Variants in DNAH14 observed in about 807,000 individuals in gnomAD.
The protein encoded by DNAH14 is axonemal beta dynein heavy chain 14.
A neutral mutation model predicts 520.9 loss-of-function variants in DNAH14; 478 were observed. The ratio of observed to expected loss-of-function variants is 0.92; its 90% CI spans 0.85 to 0.99. The LOEUF is 0.99. Ranked by LOEUF, DNAH14 falls within the 50% of genes least tolerant of loss-of-function variation. The pLI is 0.00. For synonymous variants in DNAH14, 1,581 were observed against 1,757.2 expected, an observed-to-expected ratio of 0.90 and a Z score of 2.51; for missense variants, 4,831 against 5,234.5, an observed-to-expected ratio of 0.92 and a Z score of 2.38.
intron 10 of DNAH14, among the ~76,000 whole-genome samples, chr1:225,022,944 G>A (rs1433035148): frequency 6.6e-6 from 1 of 152,106 alleles, no homozygotes; most frequent in African/African-American, 2.4e-5. Context: ...CTTTGCAGCA[G>A]CATGATGCAG....
Position 225,152,901 on chromosome 1 carries a change from T to A in DNAH14, c.5196+18T>A, listed in dbSNP as rs147234788. 2.0e-5 allele frequency: 31 copies of A among 1,543,356 alleles called. No individual in the cohort carries two copies. The African/African-American group carries it at 2.9e-4, about 14-fold the overall frequency. ...CACAACAGGTAAATAGCTACTTTTC[T>A]CAAAATATTTAAAGGTGATTATATA... On this transcript the variant is annotated intron_variant, in intron 33 of 85. Coordinates refer to ENST00000682510, the MANE Select transcript of DNAH14 (RefSeq NM_001367479.1).
intron 64 of DNAH14, among the ~76,000 whole-genome samples, chr1:225,325,306 G>A (rs921377394): frequency 6.6e-6 from 1 of 151,864 alleles, no homozygotes; most frequent in African/African-American, 2.4e-5. Flanking sequence ...CCAACATGGT[G>A]AAACCCCATC....
intron 1 of DNAH14, among the ~76,000 whole-genome samples, chr1:224,949,895 C>T (rs2060065703): frequency 6.6e-6 from 1 of 152,214 alleles, no homozygotes; most frequent in South Asian, 2.1e-4. Flanking sequence ...TCTCCTACTC[C>T]CAGATTTCCA....
At chr1:225,209,191 G>A (rs1303047675) in intron 41 of DNAH14, among the ~76,000 whole-genome samples, 1 of 152,128 alleles carries the variant, frequency 6.6e-6, no homozygotes, top group Non-Finnish European at 1.5e-5. Context: ...GTGTATAAAA[G>A]AAATTAGAGA....
chr1:225,334,138 G>A (rs1239119173), intron 66 of DNAH14, among the ~76,000 whole-genome samples: 1 of 152,100 alleles, frequency 6.6e-6, no homozygotes, highest in South Asian at 2.1e-4. Flanking sequence ...AAATGTTCCA[G>A]TAACAAGTCT....
chr1:225,227,197 G>C (rs2090622122), intron 41 of DNAH14, among the ~76,000 whole-genome samples: 1 of 152,074 alleles, frequency 6.6e-6, no homozygotes, highest in African/African-American at 2.4e-5. Flanking sequence ...GGATGATCAG[G>C]TCTTTCCCTT....
rs560131396 is a variant in DNAH14 at position 225,325,395 on chromosome 1, G to A, written c.9723+563G>A. Among the ~76,000 whole-genome samples the A allele has an allele frequency of 2.0e-5, 3 of 151,222 alleles. 1 individual carries two copies. The highest frequency in any genetic ancestry group is 2.0e-4 in the Admixed American group (3 of 15,140). Reference sequence around the variant, plus strand: ...AGCTACTTGGGAGGCTGAGGCAGGAGAATCTCTTGAACCCGGGAGAAGGAG... The same window carrying A: ...AGCTACTTGGGAGGCTGAGGCAGGAAAATCTCTTGAACCCGGGAGAAGGAG... On this transcript the variant is annotated intron_variant, in intron 64 of 85. Coordinates refer to ENST00000682510, the MANE Select transcript of DNAH14 (RefSeq NM_001367479.1).
intron 42 of DNAH14, among the ~76,000 whole-genome samples, chr1:225,236,933 C>G (rs1030028240): frequency 6.6e-6 from 1 of 152,060 alleles, no homozygotes; most frequent in Non-Finnish European, 1.5e-5. Flanking sequence ...TATACATAAT[C>G]ATATGTAATG....
At chr1:225,000,121 A>T (rs1161776506) in intron 8 of DNAH14, among the ~76,000 whole-genome samples, 1 of 152,014 alleles carries the variant, frequency 6.6e-6, no homozygotes, top group Non-Finnish European at 1.5e-5. Flanking sequence ...TCTACTTTTC[A>T]TTTGTCTTAG....
chr1:225,330,979 T>G (rs141638150), intron 64 of DNAH14, among the ~76,000 whole-genome samples: 1 of 152,274 alleles, frequency 6.6e-6, no homozygotes, highest in African/African-American at 2.4e-5. Flanking sequence ...TTTTCAGCTA[T>G]TTATGAAAAT....
At chr1:224,935,089 C>T (rs2058941886) in intron 1 of DNAH14, among the ~76,000 whole-genome samples, 1 of 151,736 alleles carries the variant, frequency 6.6e-6, no homozygotes, top group Non-Finnish European at 1.5e-5. Context: ...AGTGGTAAAG[C>T]AATCACACAA....
chr1:225,018,079 A>T (rs1484175644), intron 10 of DNAH14, among the ~76,000 whole-genome samples: 3 of 152,198 alleles, frequency 2.0e-5, no homozygotes, highest in African/African-American at 7.2e-5. Flanking sequence ...AATTGCTGTA[A>T]TGTCACACAT....
intron 37 of DNAH14, among the ~76,000 whole-genome samples, chr1:225,187,608 G>A (rs2084913409): frequency 6.6e-6 from 1 of 151,916 alleles, no homozygotes; most frequent in Middle Eastern, 3.4e-3. Context: ...ATTGCCATTA[G>A]CAATGTATGA....
chr1:225,051,778 A>G lies in DNAH14; in HGVS notation c.2407A>G (p.Asn803Asp), dbSNP rs1251026248. ...TLIQSVIEKKNKNLLEVVESS... is the reference protein window; with the variant it reads ...TLIQSVIEKKDKNLLEVVESS... ...CATACAATCTGTAATTGAAAAAAAG[A>G]ACAAAAATTTATTGGAAGTAAGTAT... Residue 803 changes from asparagine to aspartate, a missense_variant, in exon 17 of 86, where the codon AAC becomes GAC. By Grantham distance (23) the Asn-to-Asp change is conservative. Transcript: ENST00000682510. The G allele has an allele frequency of 6.7e-7, 1 of 1,494,104 alleles. No individual in the cohort carries two copies. The highest frequency in any genetic ancestry group is 1.4e-5 in the African/African-American group (1 of 70,286). The allele number at this position is 1,494,104 out of a possible 1,614,324, so 92.6% of individuals were successfully genotyped here.
chr1:224,942,167 A>G (rs542403246), intron 1 of DNAH14, among the ~76,000 whole-genome samples: 44 of 152,124 alleles, frequency 2.9e-4, no homozygotes, highest in Non-Finnish European at 4.4e-4. Context: ...ATTTGTTTGT[A>G]TCCTCTTTTA....
At chr1:225,024,813 C>G (rs1180687755) in intron 11 of DNAH14, among the ~76,000 whole-genome samples, 1 of 151,946 alleles carries the variant, frequency 6.6e-6, no homozygotes, top group Non-Finnish European at 1.5e-5. Flanking sequence ...TCTTTATATT[C>G]TTAACATAGT....
In DNAH14 at chr1:225,232,280, T is replaced by TATATACACAC. The variant is rs1553258510; in HGVS notation, c.6518+1130_6518+1131insTATACACACA. On this transcript the variant is annotated intron_variant, in intron 42 of 85. Coordinates refer to ENST00000682510, the MANE Select transcript of DNAH14 (RefSeq NM_001367479.1). This position sits in a 1 kb window ranked among gnomAD's most constrained non-coding sequence, Gnocchi z 4.2. ...ATATATAAACTGTGATATATATATA[T>TATATACACAC]ACACACACACACACACACACGTGTA... 6.7e-6 allele frequency among the ~76,000 whole-genome samples: 1 copy of TATATACACAC among 149,482 alleles called. No homozygotes were observed. The highest frequency in any genetic ancestry group is 2.5e-5 in the African/African-American group (1 of 40,666).
intron 60 of DNAH14, among the ~76,000 whole-genome samples, chr1:225,313,358 G>C (rs895675529): frequency 6.6e-6 from 1 of 151,862 alleles, no homozygotes; most frequent in Non-Finnish European, 1.5e-5. Context: ...AGTCTGGCTA[G>C]TGGTCTATTT....
At chr1:224,962,852 C>T (rs190724886) in intron 4 of DNAH14, among the ~76,000 whole-genome samples, 29 of 152,202 alleles carry the variant, frequency 1.9e-4, no homozygotes, top group African/African-American at 3.4e-4. Context: ...CCTCCATTTT[C>T]GAACAGTCTT....
Sources: gnomAD v4.1 joint callset for allele counts (sites outside exome capture counted in the v4.1 genomes callset) on GRCh38, gnomAD v4.1.1 for gene constraint, Gnocchi (gnomAD v3.1) non-coding constraint, MANE v1.5 for transcripts, NCBI Gene and HGNC (gene_info 2026-07-23, HGNC 2026-07-21) for gene names.